CDKL1: variants seen among roughly 807,000 people sequenced by gnomAD.
CDKL1 encodes cyclin dependent kinase like 1.
A neutral mutation model predicts 42.0 loss-of-function variants in CDKL1; 41 were observed. That is an observed-to-expected ratio of 0.98 (90% CI 0.76 to 1.27). CDKL1 has a LOEUF of 1.27. Ranked by LOEUF, CDKL1 falls within the 50% of genes most tolerant of loss-of-function variation. The pLI, the probability that CDKL1 is intolerant of heterozygous loss-of-function variation, is 0.00. For missense variants in CDKL1, 394 were observed against 428.4 expected, an observed-to-expected ratio of 0.92 and a Z score of 0.71; for synonymous variants, 153 against 158.6, an observed-to-expected ratio of 0.96 and a Z score of 0.26.
upstream of CDKL1, chr14:50,396,940 C>T: frequency 2.3e-6 from 1 of 427,588 alleles, no homozygotes; most frequent in Non-Finnish European, 3.6e-6. Flanking sequence ...CCGGGTCTGC[C>T]TGGGCGGGGC....
At chr14:50,359,796 T>TA (rs2034181977) in intron 2 of CDKL1, among the ~76,000 whole-genome samples, 1 of 38,236 alleles carries the variant, frequency 2.6e-5, no homozygotes, top group Non-Finnish European at 5.1e-5. Context: ...TGTGTCTAGA[T>TA]TAAAAAAAAA....
rs1292331452 is a variant in CDKL1, at chr14:50,353,005, T to C, written c.290+6023A>G. Among the ~76,000 whole-genome samples, 3 of 152,206 alleles carry C rather than the reference T, an allele frequency of 2.0e-5. No homozygotes were observed. In the East Asian group the frequency reaches 5.8e-4, roughly 29 times the overall value. Reference sequence around the variant, plus strand: ...ACTCTTCATTGCTGTTAAACTGAGATTGCTTAACTGCATCCATCTCGACTT... The same window carrying C: ...ACTCTTCATTGCTGTTAAACTGAGACTGCTTAACTGCATCCATCTCGACTT... On this transcript the variant is annotated intron_variant, in intron 3 of 9. Transcript: ENST00000395834.
intron 2 of CDKL1, among the ~76,000 whole-genome samples, chr14:50,385,696 C>T (rs191167349): frequency 2.0e-5 from 3 of 150,260 alleles, no homozygotes; most frequent in Admixed American, 1.3e-4. Context: ...CCCAGCTACT[C>T]GGGAGGCTGA....
chr14:50,340,374 A>T (rs541648285), intron 6 of CDKL1, among the ~76,000 whole-genome samples: 1 of 152,316 alleles, frequency 6.6e-6, no homozygotes, highest in East Asian at 1.9e-4. Flanking sequence ...AGAGGAGGAA[A>T]AGTTTACCTT....
intron 3 of CDKL1, among the ~76,000 whole-genome samples, chr14:50,347,720 T>C (rs892608394): frequency 8.5e-5 from 13 of 152,078 alleles, no homozygotes; most frequent in Non-Finnish European, 1.6e-4. Context: ...GCTGGAAATA[T>C]GAGTTTGAGA....
chr14:50,393,149 T>C (rs1286324605), intron 2 of CDKL1, among the ~76,000 whole-genome samples: 1 of 152,168 alleles, frequency 6.6e-6, no homozygotes, highest in African/African-American at 2.4e-5. Flanking sequence ...CATTCCACGT[T>C]TCCCTAAACA....
At chr14:50,367,638 T>A (rs2034469992) in intron 2 of CDKL1, among the ~76,000 whole-genome samples, 1 of 152,232 alleles carries the variant, frequency 6.6e-6, no homozygotes, top group Admixed American at 6.5e-5. Flanking sequence ...ACAAGTAAAC[T>A]TAATAGACAG....
At chr14:50,339,528 G>A (rs999896776) in intron 6 of CDKL1, among the ~76,000 whole-genome samples, 4 of 146,442 alleles carry the variant, frequency 2.7e-5, no homozygotes, top group Non-Finnish European at 6.0e-5. Flanking sequence ...GAGGAAGAGA[G>A]GGAGGGAGGG....
At chr14:50,380,312 C>A in intron 2 of CDKL1, 1 of 483,594 alleles carries the variant, frequency 2.1e-6, no homozygotes, top group African/African-American at 2.0e-5. Flanking sequence ...CCCATGCTAA[C>A]CCCCTCAACT....
chr14:50,334,398 C>T, intron 8 of CDKL1, 167 bp downstream of exon 8: 1 of 594,336 alleles, frequency 1.7e-6, no homozygotes, highest in Non-Finnish European at 3.0e-6. Flanking sequence ...ATCTGCCTGC[C>T]TTGGCCTCCC....
At position 50,396,284 on chromosome 14, in the gene CDKL1, C is replaced by A. The variant is rs576859466; in HGVS notation, c.-416G>T. 527 of 1,024,714 alleles carry A rather than the reference C, an allele frequency of 5.1e-4. 4 individuals are homozygous for A. The highest frequency in any genetic ancestry group is 4.4e-4 in the Non-Finnish European group (377 of 855,524). 63.5% of individuals were successfully genotyped at this position (1,024,714 alleles called of 1,614,324 possible). A position where few individuals can be genotyped will look rare whatever the true frequency, so the allele number is the denominator to read the frequency against. On this transcript the variant is annotated 5_prime_UTR_variant, in exon 2 of 10. Coordinates refer to ENST00000395834, the MANE Select transcript of CDKL1 (RefSeq NM_004196.7). ...GTCGCTTATAAAATATTGGCACCAACGGACTGCACTAGAGCCCCACCCAAC... is the reference window on the plus strand; with the variant it reads ...GTCGCTTATAAAATATTGGCACCAAAGGACTGCACTAGAGCCCCACCCAAC...
intron 2 of CDKL1, chr14:50,390,575 T>C (rs899517015): frequency 3.2e-6 from 1 of 310,788 alleles, no homozygotes; most frequent in African/African-American, 2.3e-5. Context: ...TTTGTATCTG[T>C]TTGTTTTGGT....
chr14:50,381,413 C>T (rs1435207160), intron 2 of CDKL1, among the ~76,000 whole-genome samples: 1 of 152,218 alleles, frequency 6.6e-6, no homozygotes, highest in Non-Finnish European at 1.5e-5. Context: ...AAAGAGGTAG[C>T]TCCTTTTCCC....
At position 50,341,039 on chromosome 14, in the gene CDKL1, C is replaced by T. The variant is rs2033497402; in HGVS notation, c.648G>A (p.Lys216=). Residue 216 remains lysine, a synonymous_variant, in exon 6 of 10, where the codon AAG becomes AAA. Coordinates refer to ENST00000395834, the MANE Select transcript of CDKL1 (RefSeq NM_004196.7). ...GACAAAAACACCACTTACCCAAGGT[C>T]TTCCTAATCAGATACAGCTGATCCA... ...SDVDQLYLIR[K]TLGDLIPRHQ... The T allele has an allele frequency of 5.6e-6, 9 of 1,612,814 alleles. No individual in the cohort carries two copies. Among genetic ancestry groups the T allele is most frequent in the Non-Finnish European group, 7.6e-6 (9 of 1,180,010 alleles).
chr14:50,339,958 T>C (rs7152371), intron 6 of CDKL1, among the ~76,000 whole-genome samples: 62,627 of 151,956 alleles, frequency 0.41, 13,435 homozygotes, highest in East Asian at 0.62. Flanking sequence ...TACCTCTCAC[T>C]CAAATGCAAA....
intron 9 of CDKL1, chr14:50,331,864 C>A (rs2032960834): frequency 4.3e-6 from 3 of 702,776 alleles, no homozygotes; most frequent in Non-Finnish European, 6.9e-6. Flanking sequence ...AAAACAGCTC[C>A]TTTTTTGGAC....
intron 2 of CDKL1, among the ~76,000 whole-genome samples, 197 bp downstream of exon 2, chr14:50,395,504 T>C (rs2035371356): frequency 6.6e-6 from 1 of 152,156 alleles, no homozygotes; most frequent in Admixed American, 6.5e-5. Flanking sequence ...AAAAATTCAC[T>C]TTAAAGAAAA....
intron 3 of CDKL1, among the ~76,000 whole-genome samples, chr14:50,353,204 A>G (rs2033955527): frequency 6.6e-6 from 1 of 152,212 alleles, no homozygotes; most frequent in South Asian, 2.1e-4. Context: ...GGGAGGCTGT[A>G]TTGTGACCCT....
At chr14:50,397,139 C>T (rs761714530), upstream of CDKL1, 9 of 1,365,862 alleles carry the variant, frequency 6.6e-6, no homozygotes, top group Non-Finnish European at 8.8e-6. Flanking sequence ...CAGCTGTAAC[C>T]GCGTCTGCGG....
Sources: allele counts gnomAD v4.1 joint callset (sites outside exome capture counted in the v4.1 genomes callset), GRCh38; gene constraint gnomAD v4.1.1; transcripts MANE v1.5; gene names NCBI Gene and HGNC (gene_info 2026-07-23, HGNC 2026-07-21).